AGBL1: variants seen among roughly 807,000 people sequenced by gnomAD.
AGBL1 encodes the protein AGBL carboxypeptidase 1.
In AGBL1, 130 loss-of-function variants were observed where a neutral mutation model predicts 118.9. That is an observed-to-expected ratio of 1.09 (90% CI 0.95 to 1.26). The LOEUF (loss-of-function observed/expected upper bound fraction) is 1.26. Ranked by LOEUF, AGBL1 falls within the 50% of genes most tolerant of loss-of-function variation. The pLI, the probability that AGBL1 is intolerant of heterozygous loss-of-function variation, is 0.00. For synonymous variants in AGBL1, 555 were observed against 478.9 expected (o/e 1.16, Z -2.08); for missense variants, 1,584 against 1,298.1 (o/e 1.22, Z -3.38).
rs760821670 is a variant in AGBL1 at position 86,266,403 on chromosome 15, T to C, written c.1697T>C (p.Leu566Pro). ...AGGATATTTGAGGATATTCGGAGGC[T>C]CATCCAGCCAAGTGATGTTATAAAT... ...RIRIFEDIRR[L>P]IQPSDVINKV... is the part of the protein sequence containing the mutation. Residue 566 changes from leucine (L) to proline (P), a missense_variant, in exon 12 of 23, where the codon CTC becomes CCC. Transcript: ENST00000614907. The C allele has an allele frequency of 1.3e-6, 2 of 1,581,570 alleles. No homozygotes were observed. Among genetic ancestry groups the C allele is most frequent in the East Asian group, 4.5e-5 (2 of 43,976 alleles).
intron 21 of AGBL1, among the ~76,000 whole-genome samples, chr15:86,602,849 T>C (rs762432321): frequency 1.7e-4 from 26 of 152,184 alleles, no homozygotes; most frequent in Non-Finnish European, 3.1e-4. Flanking sequence ...TTGAAGTCGA[T>C]ATCAAAAGCC....
intron 17 of AGBL1, among the ~76,000 whole-genome samples, chr15:86,328,199 A>T (rs761009403): frequency 2.6e-5 from 4 of 152,192 alleles, no homozygotes; most frequent in Admixed American, 6.5e-5. Flanking sequence ...TGAGAGATCA[A>T]GTTAATGCTT....
intron 22 of AGBL1, among the ~76,000 whole-genome samples, chr15:86,711,863 C>A (rs971417963): frequency 8.5e-5 from 13 of 152,140 alleles, no homozygotes; most frequent in African/African-American, 1.2e-4. Context: ...AGATAGAAAT[C>A]AATACTGTGA....
chr15:86,446,442 G>T (rs963806864), intron 18 of AGBL1, among the ~76,000 whole-genome samples: 3 of 152,212 alleles, frequency 2.0e-5, no homozygotes, highest in African/African-American at 7.2e-5. Context: ...TCAAGTGAAT[G>T]CTCTGAAGCC....
Position 86,489,823 on chromosome 15 carries a change from A to G in AGBL1, c.2556-32987A>G, listed in dbSNP as rs1438582708. On this transcript the variant is annotated intron_variant, in intron 18 of 22. Transcript: ENST00000614907. ...GAGACATTCGTTCAGCAGGGGGCAC[A>G]TCTCACTTTTTAGGATGCCAAGAAA... Among the ~76,000 whole-genome samples the G allele has an allele frequency of 8.6e-4, 131 of 152,116 alleles. 2 individuals carry two copies. Among genetic ancestry groups the G allele is most frequent in the Admixed American group, 8.4e-3 (128 of 15,254 alleles).
At chr15:86,917,444 A>G (rs1310112881), downstream of AGBL1, among the ~76,000 whole-genome samples, 1 of 152,160 alleles carries the variant, frequency 6.6e-6, no homozygotes, top group Non-Finnish European at 1.5e-5. This position sits in a 1 kb window ranked among gnomAD's most constrained non-coding sequence, Gnocchi z 4.8. Context: ...GATGTGTGCA[A>G]GAGGGTTAGG....
chr15:86,578,480 T>G (rs1318451355), intron 21 of AGBL1, among the ~76,000 whole-genome samples: 1 of 152,126 alleles, frequency 6.6e-6, no homozygotes, highest in South Asian at 2.1e-4. Context: ...AATGCAGAAA[T>G]GAGTTAAGAC....
chr15:86,556,931 T>G (rs1361734524), intron 21 of AGBL1, among the ~76,000 whole-genome samples: 1 of 152,202 alleles, frequency 6.6e-6, no homozygotes, highest in African/African-American at 2.4e-5. Flanking sequence ...AGTACCTGAT[T>G]TGTAAGTATT....
At chr15:86,374,668 C>T (rs1042328235) in intron 17 of AGBL1, among the ~76,000 whole-genome samples, 1 of 152,212 alleles carries the variant, frequency 6.6e-6, no homozygotes, top group African/African-American at 2.4e-5. Flanking sequence ...AAAAGGAGAA[C>T]CTCAGAGTCC....
chr15:86,375,019 T>A (rs186104365), intron 17 of AGBL1, among the ~76,000 whole-genome samples: 47 of 152,350 alleles, frequency 3.1e-4, no homozygotes, highest in Admixed American at 3.1e-3. Flanking sequence ...TACAGATTCT[T>A]GGTTTCCCTT....
chr15:86,824,507 T>A (rs549732007), intron 22 of AGBL1, among the ~76,000 whole-genome samples: 164 of 152,024 alleles, frequency 1.1e-3, no homozygotes, highest in Non-Finnish European at 1.8e-3. Context: ...ATGATATTTA[T>A]CTCCAAATTG....
intron 23 of AGBL1, among the ~76,000 whole-genome samples, chr15:86,944,978 A>G (rs1366237135): frequency 6.6e-6 from 1 of 152,162 alleles, no homozygotes. Context: ...GTATATAAGT[A>G]TTATGAAATT....
At chr15:86,210,650 G>C (rs374381386) in intron 5 of AGBL1, among the ~76,000 whole-genome samples, 1 of 152,122 alleles carries the variant, frequency 6.6e-6, no homozygotes, top group African/African-American at 2.4e-5. Flanking sequence ...CTTGTGCCAT[G>C]GTTTTCAGCT....
At chr15:86,413,984 A>G (rs2081655975) in intron 18 of AGBL1, among the ~76,000 whole-genome samples, 1 of 152,196 alleles carries the variant, frequency 6.6e-6, no homozygotes, top group African/African-American at 2.4e-5. Flanking sequence ...ATGGAATACT[A>G]TTCAGCCATA....
intron 21 of AGBL1, among the ~76,000 whole-genome samples, chr15:86,663,571 G>T (rs2085585028): frequency 6.6e-6 from 1 of 152,084 alleles, no homozygotes; most frequent in Admixed American, 6.6e-5. Context: ...AAAGGGGAGG[G>T]AGGCAGGCTG....
chr15:86,675,518 T>A (rs1361076274), intron 22 of AGBL1, among the ~76,000 whole-genome samples: 1 of 152,146 alleles, frequency 6.6e-6, no homozygotes, highest in Non-Finnish European at 1.5e-5. Context: ...GAAACTTAAG[T>A]AAGTGCAGGG....
intron 18 of AGBL1, among the ~76,000 whole-genome samples, chr15:86,445,208 A>T (rs1018281420): frequency 6.6e-6 from 1 of 152,236 alleles, no homozygotes; most frequent in African/African-American, 2.4e-5. Context: ...AGAGCAGCCC[A>T]CTGGCAAGCT....
intron 22 of AGBL1, among the ~76,000 whole-genome samples, chr15:86,745,379 A>T (rs1328355574): frequency 6.6e-6 from 1 of 152,060 alleles, no homozygotes; most frequent in African/African-American, 2.4e-5. Context: ...TAAGTGAAAC[A>T]TTATATTGAG....
intron 23 of AGBL1, among the ~76,000 whole-genome samples, chr15:86,950,518 A>C (rs540619153): frequency 6.6e-6 from 1 of 150,458 alleles, no homozygotes; most frequent in East Asian, 1.9e-4. Flanking sequence ...AAAAGAAAAA[A>C]ATATATATAT....
Sources: allele counts gnomAD v4.1 joint callset (sites outside exome capture counted in the v4.1 genomes callset), GRCh38; gene constraint gnomAD v4.1.1; non-coding constraint Gnocchi (gnomAD v3.1); transcripts MANE v1.5; gene names NCBI Gene and HGNC (gene_info 2026-07-23, HGNC 2026-07-21).